The following ZBTB7C variants were observed in gnomAD, a reference collection of about 807,000 sequenced individuals.
ZBTB7C encodes the protein zinc finger and BTB domain containing 7C.
Under a neutral mutation model 25.7 loss-of-function variants are expected in ZBTB7C, and 8 were observed. That is an observed-to-expected ratio of 0.31 (90% CI 0.18 to 0.56). ZBTB7C has a LOEUF of 0.56. Ranked by LOEUF, ZBTB7C falls within the 20% of genes least tolerant of loss-of-function variation. The pLI is 0.91. For missense variants in ZBTB7C, 824 were observed against 855.2 expected (o/e 0.96, Z 0.46); for synonymous variants, 394 against 369.0 (o/e 1.07, Z -0.78).
At chr18:48,168,211 C>A (rs569468485) in intron 3 of ZBTB7C, among the ~76,000 whole-genome samples, 3 of 152,210 alleles carry the variant, frequency 2.0e-5, no homozygotes. Flanking sequence ...CTGGGCCTTT[C>A]GGTCAGAGGC....
intron 1 of ZBTB7C, among the ~76,000 whole-genome samples, chr18:48,378,223 G>A (rs1039539318): frequency 2.6e-5 from 4 of 152,202 alleles, no homozygotes; most frequent in African/African-American, 9.7e-5. Flanking sequence ...GCCCAGACCA[G>A]CAGAAGATGG....
At chr18:48,333,651 C>T (rs1056121726) in intron 2 of ZBTB7C, among the ~76,000 whole-genome samples, 1 of 152,194 alleles carries the variant, frequency 6.6e-6, no homozygotes, top group Non-Finnish European at 1.5e-5. Flanking sequence ...TGTTAAGTCA[C>T]AGTGACACTG....
rs1431408154 is a variant in ZBTB7C at position 48,272,477 on chromosome 18, GGTGCT to G, written c.-79+65692_-79+65696del. Among the ~76,000 whole-genome samples, 3 of 152,278 alleles carry G rather than the reference GGTGCT, an allele frequency of 2.0e-5. No individual in the cohort carries two copies. In the East Asian group the frequency reaches 5.8e-4, roughly 29 times the overall value. On this transcript the variant is annotated intron_variant, in intron 2 of 4. Coordinates refer to ENST00000590800, the MANE Select transcript of ZBTB7C (RefSeq NM_001318841.2). ...AGATGGAGAGAAGACTCAATACTGA[GGTGCT>G]AATCTCCCAAAACCAATCTGGAAGC...
At chr18:48,070,114 G>A (rs1274474271) in intron 3 of ZBTB7C, among the ~76,000 whole-genome samples, 2 of 152,202 alleles carry the variant, frequency 1.3e-5, no homozygotes, top group Admixed American at 1.3e-4. Context: ...GGGCACCAAA[G>A]TGAGTATCAA....
At chr18:48,052,965 C>T (rs1394475959) in intron 3 of ZBTB7C, among the ~76,000 whole-genome samples, 2 of 152,156 alleles carry the variant, frequency 1.3e-5, no homozygotes, top group Non-Finnish European at 2.9e-5. Flanking sequence ...TGCCCTCTTT[C>T]TCCTCCCACC....
intron 3 of ZBTB7C, among the ~76,000 whole-genome samples, chr18:48,164,527 C>A (rs2041176396): frequency 6.6e-6 from 1 of 152,184 alleles, no homozygotes; most frequent in Admixed American, 6.5e-5. Flanking sequence ...TCCCTGTCTA[C>A]CCATGGTTCA....
intron 2 of ZBTB7C, among the ~76,000 whole-genome samples, chr18:48,222,331 C>T (rs1323515391): frequency 6.6e-6 from 1 of 152,202 alleles, no homozygotes; most frequent in African/African-American, 2.4e-5. Flanking sequence ...CAGCTGCATC[C>T]TGCATGATCT....
chr18:48,235,943 C>A (rs60403492), intron 2 of ZBTB7C, among the ~76,000 whole-genome samples: 1,590 of 152,146 alleles, frequency 0.01, 35 homozygotes, highest in African/African-American at 0.037. Context: ...AACTTTACTC[C>A]CCTAATTTGA....
chr18:48,106,612 TG>T (rs887280294), intron 3 of ZBTB7C, among the ~76,000 whole-genome samples: 25 of 152,298 alleles, frequency 1.6e-4, no homozygotes, highest in African/African-American at 6.0e-4. Context: ...ATTGTTGAAA[TG>T]GTTTTATGAG....
At chr18:48,126,838 A>AATGACTTCT (rs34842233) in intron 3 of ZBTB7C, among the ~76,000 whole-genome samples, 19,273 of 151,968 alleles carry the variant, frequency 0.13, 1,360 homozygotes, top group Admixed American at 0.17. Context: ...AAACAGAGAA[A>AATGACTTCT]ATGACTTCTA....
Position 48,136,859 on chromosome 18 carries a change from C to CCCCGCAGCGCGTAGCGAGAATG in ZBTB7C, c.-17+49053_-17+49074dup, listed in dbSNP as rs1198769882. On this transcript the variant is annotated intron_variant, in intron 3 of 4. Coordinates refer to ENST00000590800, the MANE Select transcript of ZBTB7C (RefSeq NM_001318841.2). ...CCCCGCGGCCACCCGGCCACAGGGT[C>CCCCGCAGCGCGTAGCGAGAATG]CCCGCAGCGCGTAGCGAGAATGCCC... The CCCCGCAGCGCGTAGCGAGAATG allele has an allele frequency of 8.0e-5, 59 of 740,900 alleles. No individual in the cohort carries two copies. The South Asian group carries it at 2.2e-3, about 27-fold the overall frequency. 45.9% of individuals were successfully genotyped at this position (740,900 alleles called of 1,614,324 possible). A position where few individuals can be genotyped will look rare whatever the true frequency, so the allele number is the denominator to read the frequency against.
At chr18:48,231,123 G>A (rs1286423437) in intron 2 of ZBTB7C, among the ~76,000 whole-genome samples, 2 of 152,170 alleles carry the variant, frequency 1.3e-5, no homozygotes, top group Non-Finnish European at 2.9e-5. Context: ...ACTGTGGATG[G>A]CCGGTTAATG....
At chr18:48,083,304 C>G (rs1301105313) in intron 3 of ZBTB7C, among the ~76,000 whole-genome samples, 1 of 152,010 alleles carries the variant, frequency 6.6e-6, no homozygotes, top group Non-Finnish European at 1.5e-5. Flanking sequence ...CCCTCTAGAA[C>G]CAACATCCCG....
intron 1 of ZBTB7C, among the ~76,000 whole-genome samples, chr18:48,356,278 C>T (rs1360711340): frequency 6.6e-6 from 1 of 152,184 alleles, no homozygotes; most frequent in Non-Finnish European, 1.5e-5. Context: ...AGCCTCCATG[C>T]AGCCTGAAGT....
At chr18:48,195,516 T>C (rs1479795106) in intron 2 of ZBTB7C, among the ~76,000 whole-genome samples, 1 of 152,236 alleles carries the variant, frequency 6.6e-6, no homozygotes, top group Non-Finnish European at 1.5e-5. Flanking sequence ...TGGTGAGGCC[T>C]CCCCAGCCAT....
intron 1 of ZBTB7C, among the ~76,000 whole-genome samples, chr18:48,380,062 G>A (rs546087739): frequency 1.3e-5 from 2 of 152,256 alleles, no homozygotes; most frequent in East Asian, 1.9e-4. Flanking sequence ...CTTAATGTAC[G>A]AAAATTGTTT....
intron 2 of ZBTB7C, among the ~76,000 whole-genome samples, chr18:48,211,829 C>T (rs1170420385): frequency 6.6e-6 from 1 of 152,154 alleles, no homozygotes. Context: ...CCAGTGATCA[C>T]ATTCCTTGAC....
intron 3 of ZBTB7C, among the ~76,000 whole-genome samples, chr18:48,096,618 C>T (rs2038643366): frequency 6.6e-6 from 1 of 152,160 alleles, no homozygotes; most frequent in Non-Finnish European, 1.5e-5. Flanking sequence ...TACTCCACTG[C>T]TGTGGAGGGG....
chr18:48,072,978 A>C (rs1474994550), intron 3 of ZBTB7C, among the ~76,000 whole-genome samples: 2 of 152,152 alleles, frequency 1.3e-5, no homozygotes, highest in African/African-American at 4.8e-5. Context: ...ATGACCTGAA[A>C]GGGAAGTTTA....
Sources: gnomAD v4.1 joint callset for allele counts (sites outside exome capture counted in the v4.1 genomes callset) on GRCh38, gnomAD v4.1.1 for gene constraint, MANE v1.5 for transcripts, NCBI Gene and HGNC (gene_info 2026-07-23, HGNC 2026-07-21) for gene names.